Variants in EYS observed in about 807,000 individuals in gnomAD.
EYS encodes EGF-like photoreceptor maintenance factor, also known as protein eyes shut homolog.
Under a neutral mutation model 282.1 loss-of-function variants are expected in EYS, and 250 were observed. That is an observed-to-expected ratio of 0.89 (90% CI 0.80 to 0.98). The LOEUF (loss-of-function observed/expected upper bound fraction) is 0.98. Among genes scored for constraint, EYS ranks in the 50% least tolerant of loss-of-function variants. The pLI, the probability that EYS is intolerant of heterozygous loss-of-function variation, is 0.00. For synonymous variants in EYS, 1,355 were observed against 1,282.9 expected, an observed-to-expected ratio of 1.06 and a Z score of -1.20; for missense variants, 4,016 against 3,709.0, an observed-to-expected ratio of 1.08 and a Z score of -2.15.
At chr6:63,892,821 A>G (rs2149725877) in intron 35 of EYS, among the ~76,000 whole-genome samples, 1 of 152,336 alleles carries the variant, frequency 6.6e-6, no homozygotes, top group Non-Finnish European at 1.5e-5. Context: ...AAAATTTTGC[A>G]ATCTGTCCAT....
intron 2 of EYS, among the ~76,000 whole-genome samples, chr6:65,569,642 C>G (rs9345654): frequency 0.23 from 35,214 of 151,912 alleles, 4,218 homozygotes; most frequent in Middle Eastern, 0.35. Flanking sequence ...GGATCAGTTG[C>G]CCCCACCCAA....
chr6:64,785,077 A>G (rs1011449827), intron 22 of EYS, among the ~76,000 whole-genome samples: 2 of 152,194 alleles, frequency 1.3e-5, no homozygotes, highest in African/African-American at 2.4e-5. Flanking sequence ...CCTGGGCAAC[A>G]TAACACCTCC....
chr6:64,006,162 T>C (rs1768337982), intron 33 of EYS, among the ~76,000 whole-genome samples: 1 of 152,148 alleles, frequency 6.6e-6, no homozygotes, highest in Non-Finnish European at 1.5e-5. Flanking sequence ...GTGTTTGTAA[T>C]TCTCCTTGTA....
At chr6:64,552,122 A>G (rs755980946) in intron 26 of EYS, among the ~76,000 whole-genome samples, 3 of 152,158 alleles carry the variant, frequency 2.0e-5, no homozygotes, top group Non-Finnish European at 4.4e-5. Flanking sequence ...AGGCCATGAT[A>G]GGAATAGGTG....
chr6:65,305,204 C>T (rs1260398273), intron 11 of EYS, among the ~76,000 whole-genome samples: 1 of 151,742 alleles, frequency 6.6e-6, no homozygotes, highest in Non-Finnish European at 1.5e-5. Context: ...CTGTCATACC[C>T]TTCTCTCCAC....
chr6:64,662,649 A>C lies in EYS; in HGVS notation c.3444-36404T>G, dbSNP rs543083703. 7.6e-4 allele frequency among the ~76,000 whole-genome samples: 115 copies of C among 152,280 alleles called. 4 individuals are homozygous for C. In the South Asian group the frequency reaches 0.024, roughly 32 times the overall value. On this transcript the variant is annotated intron_variant, in intron 22 of 42. Transcript: ENST00000503581. Reference sequence around the variant, plus strand: ...TGTAATTTCAAACTATTATAGGCTAAATCAAATTTAGCCTTGCTTCGCTCA... The same window carrying C: ...TGTAATTTCAAACTATTATAGGCTACATCAAATTTAGCCTTGCTTCGCTCA...
intron 12 of EYS, among the ~76,000 whole-genome samples, chr6:65,083,569 A>T (rs933820725): frequency 6.6e-6 from 1 of 151,872 alleles, no homozygotes; most frequent in African/African-American, 2.4e-5. Context: ...TACATAACTG[A>T]TACCTCGAAT....
chr6:65,623,753 G>A (rs1766604000), intron 2 of EYS, among the ~76,000 whole-genome samples: 1 of 152,156 alleles, frequency 6.6e-6, no homozygotes, highest in South Asian at 2.1e-4. Context: ...TTTCTTAGAT[G>A]ATGTCTAACA....
intron 16 of EYS, among the ~76,000 whole-genome samples, chr6:64,906,558 G>T (rs1316466600): frequency 6.6e-6 from 1 of 152,188 alleles, no homozygotes; most frequent in Non-Finnish European, 1.5e-5. Context: ...ATATACTGGA[G>T]TAATAGACAC....
intron 35 of EYS, among the ~76,000 whole-genome samples, chr6:63,888,196 C>G (rs1334022127): frequency 6.6e-6 from 1 of 152,216 alleles, no homozygotes; most frequent in Non-Finnish European, 1.5e-5. Context: ...GGGGAAGGGG[C>G]AGCTGTGGGC....
intron 28 of EYS, among the ~76,000 whole-genome samples, chr6:64,413,622 G>GA (rs1209871295): frequency 1.3e-5 from 2 of 149,236 alleles, no homozygotes; most frequent in African/African-American, 4.9e-5. Context: ...ACAAAGTACA[G>GA]AAAATATCGT....
At chr6:64,516,394 T>G (rs768047986) in intron 26 of EYS, among the ~76,000 whole-genome samples, 1 of 151,698 alleles carries the variant, frequency 6.6e-6, no homozygotes, top group East Asian at 1.9e-4. Flanking sequence ...AAAAAACAGC[T>G]ATGACACAAG....
intron 12 of EYS, among the ~76,000 whole-genome samples, chr6:65,185,008 T>G (rs997021462): frequency 2.0e-5 from 3 of 150,330 alleles, no homozygotes; most frequent in Non-Finnish European, 4.4e-5. Flanking sequence ...AGTGGGAAAT[T>G]TTCATACATA....
At chr6:63,816,626 C>A (rs1010244851) in intron 36 of EYS, among the ~76,000 whole-genome samples, 1 of 152,200 alleles carries the variant, frequency 6.6e-6, no homozygotes. Flanking sequence ...GACAGCTGTG[C>A]AACTACCTCA....
chr6:65,356,287 CTTGT>C (rs554321341), intron 8 of EYS, among the ~76,000 whole-genome samples: 4 of 152,046 alleles, frequency 2.6e-5, no homozygotes, highest in African/African-American at 4.8e-5. Flanking sequence ...TGTTTTTGTT[CTTGT>C]TTGTTTGTTT....
rs940468386 is a variant in EYS at position 65,295,934 on chromosome 6, G to A, written c.1952C>T (p.Ser651Phe). 226 of 1,550,642 alleles carry A rather than the reference G, an allele frequency of 1.5e-4. No individual in the cohort carries two copies. Among genetic ancestry groups the A allele is most frequent in the Non-Finnish European group, 1.9e-4 (216 of 1,146,362 alleles). The change falls in exon 12 of 43, where the codon TCC becomes TTC. Residue 651 changes from serine to phenylalanine, a missense_variant. By Grantham distance (155) the Ser-to-Phe change is radical. Transcript: ENST00000503581. Reference protein sequence around the residue: ...EIDTEDCKSASCKNGTTSTHL... With the variant: ...EIDTEDCKSAFCKNGTTSTHL... Reference sequence around the variant, plus strand: ...TGTACTAGTTGTTCCATTTTTGCAGGACGCAGATTTGCAGTCTTCAGTATC... The same window carrying A: ...TGTACTAGTTGTTCCATTTTTGCAGAACGCAGATTTGCAGTCTTCAGTATC...
chr6:64,024,653 G>A (rs1354486280), intron 33 of EYS, among the ~76,000 whole-genome samples: 1 of 152,010 alleles, frequency 6.6e-6, no homozygotes, highest in African/African-American at 2.4e-5. Flanking sequence ...TCACTGTGAA[G>A]GTCTGCAGCT....
intron 22 of EYS, among the ~76,000 whole-genome samples, chr6:64,757,429 AT>A (rs150124389): frequency 0.04 from 6,020 of 149,914 alleles, 265 homozygotes; most frequent in East Asian, 0.15. Context: ...AAAGACATGC[AT>A]TTTTTTTTTA....
intron 35 of EYS, among the ~76,000 whole-genome samples, chr6:63,965,813 G>A (rs755153387): frequency 3.4e-4 from 51 of 152,140 alleles, no homozygotes; most frequent in Non-Finnish European, 1.0e-4. Context: ...GTATGAGTAA[G>A]TAAGACCCAG....
Sources: gnomAD v4.1 joint callset for allele counts (sites outside exome capture counted in the v4.1 genomes callset) on GRCh38, gnomAD v4.1.1 for gene constraint, MANE v1.5 for transcripts, NCBI Gene and HGNC (gene_info 2026-07-23, HGNC 2026-07-21) for gene names.